OTOGL: variants seen among roughly 807,000 people sequenced by gnomAD.
OTOGL encodes the protein otogelin like, also known as otogelin-like protein.
Under a neutral mutation model 318.5 loss-of-function variants are expected in OTOGL, and 285 were observed. The ratio of observed to expected loss-of-function variants is 0.89; its 90% CI spans 0.81 to 0.99. The LOEUF (loss-of-function observed/expected upper bound fraction) is 0.99, where lower values mean the gene tolerates loss of function less well. Ranked by LOEUF, OTOGL falls within the 50% of genes least tolerant of loss-of-function variation. The pLI is 0.00. For synonymous variants in OTOGL, 987 were observed against 936.5 expected, an observed-to-expected ratio of 1.05 and a Z score of -0.99; for missense variants, 2,899 against 2,845.6, an observed-to-expected ratio of 1.02 and a Z score of -0.43.
At chr12:80,141,631 C>T (rs1417293725) in intron 1 of OTOGL, among the ~76,000 whole-genome samples, 2 of 152,140 alleles carry the variant, frequency 1.3e-5, no homozygotes. Context: ...TAAAATCTCC[C>T]TAAAGGGTGT....
intron 51 of OTOGL, 23 bp downstream of exon 51, chr12:80,358,798 G>A (rs1890068122): frequency 6.3e-7 from 1 of 1,576,520 alleles, no homozygotes; most frequent in Non-Finnish European, 8.7e-7. Context: ...CATATTTTAA[G>A]GTTTCATTAT....
chr12:80,256,301 C>T (rs1167852912), intron 16 of OTOGL, 36 bp from the exon 17 acceptor site: 8 of 1,580,458 alleles, frequency 5.1e-6, no homozygotes, highest in Non-Finnish European at 5.2e-6. Context: ...CTCTCTCTCT[C>T]CCATTCCTTG....
At chr12:80,299,418 C>T (rs915936101) in intron 27 of OTOGL, among the ~76,000 whole-genome samples, 3 of 152,202 alleles carry the variant, frequency 2.0e-5, no homozygotes, top group Middle Eastern at 3.4e-3. Flanking sequence ...ACATAACTTT[C>T]GACTTCCAAT....
intron 21 of OTOGL, among the ~76,000 whole-genome samples, 169 bp downstream of exon 21, chr12:80,266,785 A>T (rs1350804613): frequency 6.6e-6 from 1 of 152,124 alleles, no homozygotes; most frequent in Non-Finnish European, 1.5e-5. Flanking sequence ...TAGCTAAGGA[A>T]TCTCTGATGG....
chr12:80,361,851 T>C (rs777898136), intron 52 of OTOGL, among the ~76,000 whole-genome samples: 6 of 152,206 alleles, frequency 3.9e-5, no homozygotes, highest in Non-Finnish European at 8.8e-5. Flanking sequence ...TATTGAGTTG[T>C]TTGAGTTCTT....
chr12:80,367,524 A>G (rs370986907), intron 53 of OTOGL, 37 bp from the exon 54 acceptor site: 3 of 1,399,816 alleles, frequency 2.1e-6, no homozygotes, highest in African/African-American at 1.5e-5. Context: ...AAAACTCAAC[A>G]GTATATTTTC....
intron 24 of OTOGL, among the ~76,000 whole-genome samples, chr12:80,277,628 TAAG>T (rs1447322531): frequency 6.6e-6 from 1 of 151,410 alleles, no homozygotes; most frequent in Non-Finnish European, 1.5e-5. Context: ...ATTAAATAAA[TAAG>T]AAACAATGTG....
rs1348956824 is a variant in OTOGL, at chr12:80,250,500, G to A, written c.1053-1193G>A. Reference sequence around the variant, plus strand: ...TAGGAAAGAATGCACATATTAGAAGGTAAATCATAAATGTAATGTCTTTCC... The same window carrying A: ...TAGGAAAGAATGCACATATTAGAAGATAAATCATAAATGTAATGTCTTTCC... On this transcript the variant is annotated intron_variant, in intron 11 of 58. Transcript: ENST00000547103. 6.6e-5 allele frequency among the ~76,000 whole-genome samples: 10 copies of A among 152,288 alleles called. No homozygotes were observed. The East Asian group carries it at 1.2e-3, about 18-fold the overall frequency.
intron 1 of OTOGL, among the ~76,000 whole-genome samples, chr12:80,184,715 C>T (rs1875166251): frequency 6.6e-6 from 1 of 152,102 alleles, no homozygotes; most frequent in Admixed American, 6.6e-5. Context: ...AATAACTGTG[C>T]CACTGAATCG....
At chr12:80,204,231 T>G (rs1023127450) in intron 1 of OTOGL, among the ~76,000 whole-genome samples, 6 of 152,174 alleles carry the variant, frequency 3.9e-5, no homozygotes, top group African/African-American at 1.4e-4. Context: ...TGTGCTGTGT[T>G]GAATATCACA....
At position 80,256,358 on chromosome 12, in the gene OTOGL, C is replaced by T. The variant is rs1026016337; in HGVS notation, c.1609C>T (p.Gln537Ter). Residue 537 changes from glutamine (Q) to a stop codon, truncating the protein, a stop_gained, in exon 17 of 59, where the codon CAG becomes TAG. Coordinates refer to ENST00000547103, the MANE Select transcript of OTOGL (RefSeq NM_001378609.3). LOFTEE classifies it high-confidence loss of function. ...CEQNLGLVCL[Q>*]SITLILEDDF... The stretch of plus-strand genomic sequence containing the variant: ...GCAGAATCTTGGCTTGGTCTGCCTT[C>T]AGTCTATAACTCTGATTCTGGAGGA... 1.0e-5 allele frequency: 16 copies of T among 1,595,762 alleles called. No individual in the cohort carries two copies. Among genetic ancestry groups the T allele is most frequent in the Non-Finnish European group, 1.4e-5 (16 of 1,177,316 alleles).
chr12:80,182,414 C>T (rs1012449533), intron 1 of OTOGL, among the ~76,000 whole-genome samples: 1 of 152,122 alleles, frequency 6.6e-6, no homozygotes, highest in Non-Finnish European at 1.5e-5. Context: ...ATATCTATAC[C>T]AATTTGCATC....
intron 1 of OTOGL, among the ~76,000 whole-genome samples, chr12:80,126,766 G>C (rs1870870471): frequency 6.6e-6 from 1 of 152,168 alleles, no homozygotes; most frequent in Non-Finnish European, 1.5e-5. Flanking sequence ...AGCTCTTCTT[G>C]TTGAATTGAT....
chr12:80,218,388 A>G (rs974596343), intron 5 of OTOGL, among the ~76,000 whole-genome samples: 1 of 152,208 alleles, frequency 6.6e-6, no homozygotes, highest in African/African-American at 2.4e-5. Flanking sequence ...AGATCAGTGG[A>G]TCTTAAGGTG....
At chr12:80,119,817 G>A (rs10862054) in intron 1 of OTOGL, among the ~76,000 whole-genome samples, 84,254 of 151,952 alleles carry the variant, frequency 0.55, 23,534 homozygotes, top group Middle Eastern at 0.58. Flanking sequence ...AATACTACAT[G>A]GTAAACCAGA....
At chr12:80,123,611 C>A (rs376525174) in intron 1 of OTOGL, among the ~76,000 whole-genome samples, 10 of 151,970 alleles carry the variant, frequency 6.6e-5, no homozygotes, top group Admixed American at 1.3e-4. Flanking sequence ...AGGAATCGCC[C>A]CACTGACTTC....
intron 26 of OTOGL, among the ~76,000 whole-genome samples, chr12:80,280,357 T>C (rs1046499530): frequency 8.0e-5 from 3 of 37,308 alleles, no homozygotes; most frequent in Admixed American, 4.4e-4. Flanking sequence ...GTCTTTGTTA[T>C]GAAATCTTTG....
intron 29 of OTOGL, among the ~76,000 whole-genome samples, chr12:80,307,265 C>CG (rs1410586525): frequency 4.7e-5 from 7 of 150,004 alleles, no homozygotes; most frequent in Non-Finnish European, 8.9e-5. Context: ...CCTTTCCCCC[C>CG]TTTCTATTCT....
chr12:80,292,336 T>C (rs1400107679), intron 26 of OTOGL, among the ~76,000 whole-genome samples: 1 of 152,224 alleles, frequency 6.6e-6, no homozygotes, highest in Non-Finnish European at 1.5e-5. Flanking sequence ...AGCCCAATGT[T>C]TCAAACAAAC....
Sources: gnomAD v4.1 joint callset for allele counts (sites outside exome capture counted in the v4.1 genomes callset) on GRCh38, gnomAD v4.1.1 for gene constraint, MANE v1.5 for transcripts, NCBI Gene and HGNC (gene_info 2026-07-23, HGNC 2026-07-21) for gene names.